The following HSF2BP variants were observed in gnomAD, a reference collection of about 807,000 sequenced individuals.
HSF2BP encodes the protein heat shock factor 2-binding protein.
Under a neutral mutation model 35.0 loss-of-function variants are expected in HSF2BP, and 35 were observed. The ratio of observed to expected loss-of-function variants is 1.00; its 90% CI spans 0.76 to 1.32. The LOEUF (loss-of-function observed/expected upper bound fraction) is 1.32, where lower values mean the gene tolerates loss of function less well. Among genes scored for constraint, HSF2BP ranks in the 40% most tolerant of loss-of-function variants. HSF2BP has a pLI of 0.00. For missense variants in HSF2BP, 326 were observed against 321.7 expected, an observed-to-expected ratio of 1.01 and a Z score of -0.10; for synonymous variants, 114 against 117.4, an observed-to-expected ratio of 0.97 and a Z score of 0.18.
chr21:43,614,030 C>A, intron 6 of HSF2BP, 83 bp from the exon 7 acceptor site: 1 of 937,716 alleles, frequency 1.1e-6, no homozygotes, highest in South Asian at 1.4e-5. Flanking sequence ...GTATTTTCTC[C>A]TAAAAGACCT....
chr21:43,631,025 A>G (rs1041360318), intron 5 of HSF2BP, among the ~76,000 whole-genome samples: 5 of 152,218 alleles, frequency 3.3e-5, no homozygotes, highest in African/African-American at 1.2e-4. Flanking sequence ...GCATTTACAA[A>G]TGATATAAGA....
chr21:43,609,484 T>A (rs201877819), intron 7 of HSF2BP, among the ~76,000 whole-genome samples: 1 of 129,800 alleles, frequency 7.7e-6, no homozygotes, highest in Admixed American at 7.6e-5. Context: ...AAATAACCCC[T>A]ATCTCTGGGT....
intron 4 of HSF2BP, among the ~76,000 whole-genome samples, chr21:43,638,915 C>T (rs1045784859): frequency 2.0e-5 from 3 of 152,162 alleles, no homozygotes; most frequent in Non-Finnish European, 4.4e-5. Context: ...CTTACTATGT[C>T]GCTACAGTAA....
At chr21:43,657,990 G>T in intron 2 of HSF2BP, 71 bp downstream of exon 2, 1 of 1,531,990 alleles carries the variant, frequency 6.5e-7, no homozygotes, top group South Asian at 1.2e-5. Flanking sequence ...GAGCGCACGG[G>T]GCGAGGCCCT....
At chr21:43,574,319 T>C (rs558812711) in intron 8 of HSF2BP, among the ~76,000 whole-genome samples, 1 of 152,218 alleles carries the variant, frequency 6.6e-6, no homozygotes, top group Non-Finnish European at 1.5e-5. Flanking sequence ...TTGGGAGCAA[T>C]GGTTCCTAAA....
chr21:43,590,854 G>GC (rs1349154366), intron 8 of HSF2BP, among the ~76,000 whole-genome samples: 1 of 152,200 alleles, frequency 6.6e-6, no homozygotes, highest in Non-Finnish European at 1.5e-5. Context: ...AGGGAGAGGA[G>GC]CAGGAAGGAG....
intron 8 of HSF2BP, among the ~76,000 whole-genome samples, chr21:43,583,549 G>A (rs2081794739): frequency 5.3e-5 from 7 of 131,660 alleles, no homozygotes; most frequent in South Asian, 2.8e-4. Context: ...AGGGAGATGA[G>A]GACCTGCTGA....
chr21:43,501,304 G>A, the HSF2BP span, among the ~76,000 whole-genome samples: 135 of 122,372 alleles, frequency 1.1e-3, 21 homozygotes, highest in East Asian at 0.026. Context: ...ATCCCCTGCC[G>A]TCCTGCTCTG....
In HSF2BP at chr21:43,644,363, G is replaced by T. The variant is rs1401765084; in HGVS notation, c.217C>A (p.Gln73Lys). Residue 73 changes from glutamine (Q) to lysine (K), a missense_variant, in exon 4 of 9, where the codon CAG (glutamine) becomes AAG (lysine). By Grantham distance (53) the Gln-to-Lys change is moderately conservative. Coordinates refer to ENST00000291560, the MANE Select transcript of HSF2BP (RefSeq NM_007031.2). ...AAGTGCTCACAATCCATTTTCAGCT[G>T]CTCTAATTCTTGCTCTTTCCTTTCC... ...NLERKEQELE[Q>K]LKMDCEHFKA... is the part of the protein sequence containing the mutation. The T allele has an allele frequency of 6.2e-7, 1 of 1,613,910 alleles. No individual in the cohort carries two copies. The highest frequency in any genetic ancestry group is 1.3e-5 in the African/African-American group (1 of 74,900).
intron 8 of HSF2BP, among the ~76,000 whole-genome samples, chr21:43,584,791 G>A (rs2081825189): frequency 6.6e-6 from 1 of 152,130 alleles, no homozygotes; most frequent in African/African-American, 2.4e-5. Context: ...GACACTGCTG[G>A]GAAAGACCCT....
chr21:43,647,723 G>A (rs946161804), intron 3 of HSF2BP, among the ~76,000 whole-genome samples: 8 of 151,906 alleles, frequency 5.3e-5, no homozygotes, highest in Non-Finnish European at 1.0e-4. Flanking sequence ...GAGGTCAGGA[G>A]TTCAAGAGCA....
chr21:43,623,050 C>T (rs550120776), intron 6 of HSF2BP, among the ~76,000 whole-genome samples: 1 of 152,062 alleles, frequency 6.6e-6, no homozygotes, highest in Non-Finnish European at 1.5e-5. Context: ...GCAGTCCTCC[C>T]ACCTGAGTCT....
intron 8 of HSF2BP, among the ~76,000 whole-genome samples, chr21:43,585,462 C>T (rs935538293): frequency 1.3e-5 from 2 of 151,976 alleles, no homozygotes; most frequent in South Asian, 2.1e-4. Flanking sequence ...AGCTCTCAAC[C>T]CAAGGTGATG....
At chr21:43,636,331 T>G (rs7279663) in intron 4 of HSF2BP, among the ~76,000 whole-genome samples, 3,373 of 151,336 alleles carry the variant, frequency 0.022, 66 homozygotes, top group South Asian at 0.032. Context: ...AAAAAAATCG[T>G]TATGACCATA....
At chr21:43,658,773 G>A (rs2082918593) in intron 1 of HSF2BP, among the ~76,000 whole-genome samples, 1 of 152,242 alleles carries the variant, frequency 6.6e-6, no homozygotes, top group African/African-American at 2.4e-5. Flanking sequence ...CTGCGCGGGC[G>A]CCCTTGCACT....
intron 5 of HSF2BP, 150 bp from the exon 6 acceptor site, chr21:43,630,604 G>C (rs2082443296): frequency 1.9e-6 from 2 of 1,079,088 alleles, no homozygotes; most frequent in Non-Finnish European, 2.5e-6. Flanking sequence ...AAAGAACAGA[G>C]AAAGCAGCTT....
chr21:43,571,928 A>G (rs1168221422), intron 8 of HSF2BP, among the ~76,000 whole-genome samples: 1 of 151,516 alleles, frequency 6.6e-6, no homozygotes, highest in Non-Finnish European at 1.5e-5. Flanking sequence ...GGGGAGAGAG[A>G]GGGCTGAATC....
At chr21:43,642,858 G>A (rs957349877) in intron 4 of HSF2BP, among the ~76,000 whole-genome samples, 2 of 141,602 alleles carry the variant, frequency 1.4e-5, no homozygotes, top group African/African-American at 5.3e-5. Flanking sequence ...GGAGTGCAGT[G>A]GCACGATTTC....
intron 8 of HSF2BP, among the ~76,000 whole-genome samples, chr21:43,590,952 A>C (rs746951249): frequency 2.0e-5 from 3 of 152,240 alleles, no homozygotes; most frequent in Non-Finnish European, 4.4e-5. Flanking sequence ...GTGGACATTT[A>C]TATCAATACT....
Sources: gnomAD v4.1 joint callset for allele counts (sites outside exome capture counted in the v4.1 genomes callset) on GRCh38, gnomAD v4.1.1 for gene constraint, MANE v1.5 for transcripts, NCBI Gene and HGNC (gene_info 2026-07-23, HGNC 2026-07-21) for gene names.